Variants in RBMS3 observed in about 807,000 individuals in gnomAD.
The protein encoded by RBMS3 is RNA-binding motif, single-stranded-interacting protein 3.
In RBMS3, 27 loss-of-function variants were observed where a neutral mutation model predicts 66.8. That is an observed-to-expected ratio of 0.40 (90% CI 0.30 to 0.56). RBMS3 has a LOEUF of 0.56. RBMS3 is among the 20% of genes least tolerant of loss of function. RBMS3 has a pLI of 0.40. For synonymous variants in RBMS3, 188 were observed against 183.0 expected, an observed-to-expected ratio of 1.03 and a Z score of -0.22; for missense variants, 513 against 549.5, an observed-to-expected ratio of 0.93 and a Z score of 0.66.
chr3:29,506,735 A>G (rs1333254677), intron 3 of RBMS3, among the ~76,000 whole-genome samples: 1 of 151,922 alleles, frequency 6.6e-6, no homozygotes, highest in Non-Finnish European at 1.5e-5. Flanking sequence ...AAATGTTATT[A>G]CTGTTTCAAT....
intron 3 of RBMS3, among the ~76,000 whole-genome samples, chr3:29,522,285 C>T (rs575339788): frequency 8.4e-4 from 128 of 152,160 alleles, no homozygotes; most frequent in African/African-American, 2.7e-3. Flanking sequence ...CTCCACCTCC[C>T]GGGTTCAAGC....
intron 2 of RBMS3, among the ~76,000 whole-genome samples, chr3:29,479,531 A>G (rs1221671521): frequency 1.3e-5 from 2 of 151,228 alleles, no homozygotes; most frequent in African/African-American, 4.9e-5. Context: ...ATATAAAATA[A>G]TAAATATATA....
Position 29,696,990 on chromosome 3 carries a change from C to T in RBMS3, c.400-42730C>T, listed in dbSNP as rs963452840. The T allele has an allele frequency of 9.2e-6, 9 of 976,260 alleles. No individual in the cohort carries two copies. The Admixed American group carries it at 1.9e-4, about 20-fold the overall frequency. The allele number at this position is 976,260 out of a possible 1,614,324, so 60.5% of individuals were successfully genotyped here. A position where few individuals can be genotyped will look rare whatever the true frequency, so the allele number is the denominator to read the frequency against. On this transcript the variant is annotated intron_variant, in intron 4 of 14. Transcript: ENST00000383767. Reference sequence around the variant, plus strand: ...GGTACCCCTAGTAGTTGTGATTTCTCCAAAACTTCTAACTTGCTACAAAGG... The same window carrying T: ...GGTACCCCTAGTAGTTGTGATTTCTTCAAAACTTCTAACTTGCTACAAAGG...
chr3:29,554,995 C>T (rs552318782), intron 3 of RBMS3, among the ~76,000 whole-genome samples: 2 of 152,174 alleles, frequency 1.3e-5, no homozygotes, highest in African/African-American at 4.8e-5. Flanking sequence ...AAAGATATTG[C>T]CCAAGTTCAA....
intron 2 of RBMS3, among the ~76,000 whole-genome samples, chr3:29,437,172 A>G (rs1039496380): frequency 6.6e-6 from 1 of 152,232 alleles, no homozygotes. Context: ...TGGTAGCATG[A>G]AATTGGCCCT....
At chr3:29,719,175 A>G (rs550450445) in intron 4 of RBMS3, among the ~76,000 whole-genome samples, 2 of 152,290 alleles carry the variant, frequency 1.3e-5, no homozygotes, top group African/African-American at 4.8e-5. Flanking sequence ...ATTGATCCAT[A>G]AATCAGGCTT....
At chr3:29,523,593 T>C (rs772580236) in intron 3 of RBMS3, among the ~76,000 whole-genome samples, 1 of 152,128 alleles carries the variant, frequency 6.6e-6, no homozygotes, top group African/African-American at 2.4e-5. Flanking sequence ...TTCTCATTGA[T>C]AGGAACAGAA....
At chr3:29,987,377 C>T (rs2149793497) in intron 12 of RBMS3, among the ~76,000 whole-genome samples, 1 of 152,212 alleles carries the variant, frequency 6.6e-6, no homozygotes, top group African/African-American at 2.4e-5. Context: ...TGTAGTTTTA[C>T]TGGGGCTCCC....
At chr3:29,427,721 A>G (rs2041015659) in intron 1 of RBMS3, among the ~76,000 whole-genome samples, 1 of 152,112 alleles carries the variant, frequency 6.6e-6, no homozygotes, top group Non-Finnish European at 1.5e-5. Context: ...ATTCTATTGC[A>G]TAGGAGGTGA....
intron 4 of RBMS3, among the ~76,000 whole-genome samples, chr3:29,730,324 C>T (rs1019213821): frequency 6.6e-6 from 1 of 151,270 alleles, no homozygotes; most frequent in African/African-American, 2.4e-5. Context: ...GCGGGGATGT[C>T]AGTAGACTAC....
intron 1 of RBMS3, among the ~76,000 whole-genome samples, chr3:29,316,857 G>A (rs924864405): frequency 2.0e-5 from 3 of 151,556 alleles, no homozygotes; most frequent in Non-Finnish European, 4.4e-5. Flanking sequence ...ACATTTGTTG[G>A]ATAAGTGAAA....
chr3:29,446,287 T>C (rs2041828749), intron 2 of RBMS3, among the ~76,000 whole-genome samples: 1 of 151,830 alleles, frequency 6.6e-6, no homozygotes, highest in Admixed American at 6.6e-5. Flanking sequence ...TACTCACTTA[T>C]GCAATCAAAA....
intron 1 of RBMS3, among the ~76,000 whole-genome samples, chr3:29,383,733 G>A (rs992132661): frequency 1.3e-5 from 2 of 152,252 alleles, no homozygotes; most frequent in East Asian, 1.9e-4. Flanking sequence ...GAAAATGTGC[G>A]ATCTGGACTC....
chr3:29,754,725 G>A (rs912795540), intron 5 of RBMS3, among the ~76,000 whole-genome samples: 2 of 152,186 alleles, frequency 1.3e-5, no homozygotes, highest in Non-Finnish European at 2.9e-5. Flanking sequence ...AGTCCAATTA[G>A]CAATAGTTAC....
intron 2 of RBMS3, among the ~76,000 whole-genome samples, chr3:29,455,876 TAA>T (rs2042175738): frequency 6.6e-6 from 1 of 151,626 alleles, no homozygotes; most frequent in Admixed American, 6.6e-5. Flanking sequence ...TTGTTTACGA[TAA>T]GAGAGCTGAA....
chr3:29,569,981 C>CA (rs2046890899), intron 3 of RBMS3, among the ~76,000 whole-genome samples: 2 of 151,768 alleles, frequency 1.3e-5, no homozygotes, highest in Admixed American at 1.3e-4. Flanking sequence ...AAAGCAGTTG[C>CA]TTAGGGAAAA....
intron 1 of RBMS3, among the ~76,000 whole-genome samples, chr3:29,427,037 C>A (rs1191017740): frequency 6.6e-6 from 1 of 152,172 alleles, no homozygotes; most frequent in Non-Finnish European, 1.5e-5. Context: ...AGCTCTTAAG[C>A]ACCATGTTAC....
intron 1 of RBMS3, among the ~76,000 whole-genome samples, chr3:29,338,063 A>G (rs1283745861): frequency 1.3e-5 from 2 of 152,158 alleles, no homozygotes; most frequent in African/African-American, 4.8e-5. Context: ...AGAAAGCCTC[A>G]AGACCTAAGG....
chr3:29,762,228 C>T lies in RBMS3; in HGVS notation c.558-682C>T, dbSNP rs117717379. On this transcript the variant is annotated intron_variant, in intron 5 of 14. Coordinates refer to ENST00000383767, the MANE Select transcript of RBMS3 (RefSeq NM_001003793.3). ...ATTCAATATTGAGAAAGCATAGAAC[C>T]TAAGGTTTGTGTATCTATACCTTCC... is the stretch of plus-strand genomic sequence containing the variant. 2.8e-4 allele frequency among the ~76,000 whole-genome samples: 43 copies of T among 152,194 alleles called. 1 individual carries two copies. In the East Asian group the frequency reaches 8.3e-3, roughly 29 times the overall value.
Sources: gnomAD v4.1 joint callset for allele counts (sites outside exome capture counted in the v4.1 genomes callset) on GRCh38, gnomAD v4.1.1 for gene constraint, MANE v1.5 for transcripts, NCBI Gene and HGNC (gene_info 2026-07-23, HGNC 2026-07-21) for gene names.